The following DOCK3 variants were observed in gnomAD, a reference collection of about 807,000 sequenced individuals.
The protein encoded by DOCK3 is dedicator of cytokinesis protein 3.
DOCK3 carries 60 observed loss-of-function variants against 265.6 expected under a neutral mutation model. The ratio of observed to expected loss-of-function variants is 0.23; its 90% CI spans 0.18 to 0.28. The LOEUF (loss-of-function observed/expected upper bound fraction) is 0.28. Among genes scored for constraint, DOCK3 ranks in the 10% least tolerant of loss-of-function variants. The pLI, the probability that DOCK3 is intolerant of heterozygous loss-of-function variation, is 1.00. For missense variants in DOCK3, 1,981 were observed against 2,594.3 expected (o/e 0.76, Z 5.14); for synonymous variants, 881 against 938.0 (o/e 0.94, Z 1.11).
chr3:50,809,724 A>C (rs2106735152), intron 2 of DOCK3, among the ~76,000 whole-genome samples: 1 of 152,360 alleles, frequency 6.6e-6, no homozygotes, highest in South Asian at 2.1e-4. Context: ...AAAATGAGTT[A>C]GTTATTGCTA....
At chr3:50,876,512 A>G (rs1426116552) in intron 3 of DOCK3, among the ~76,000 whole-genome samples, 1 of 152,182 alleles carries the variant, frequency 6.6e-6, no homozygotes, top group Admixed American at 6.5e-5. Flanking sequence ...ATTTGAATGA[A>G]TATCCTAATG....
intron 3 of DOCK3, among the ~76,000 whole-genome samples, chr3:50,841,992 A>G (rs1325192050): frequency 1.3e-5 from 2 of 152,136 alleles, no homozygotes; most frequent in East Asian, 3.9e-4. Flanking sequence ...ATTTGACAAA[A>G]AGTACATTGA....
chr3:51,039,721 A>G (rs746632551), intron 5 of DOCK3, among the ~76,000 whole-genome samples: 1 of 151,726 alleles, frequency 6.6e-6, no homozygotes, highest in South Asian at 2.1e-4. Context: ...TCTCATTGTC[A>G]GTTTTGGCTG....
intron 13 of DOCK3, among the ~76,000 whole-genome samples, chr3:51,212,519 G>A (rs79296237): frequency 2.8e-4 from 41 of 147,154 alleles, no homozygotes; most frequent in African/African-American, 1.0e-3. Flanking sequence ...GCTTCATGTT[G>A]GGCTGTCTCC....
intron 2 of DOCK3, among the ~76,000 whole-genome samples, chr3:50,840,431 T>G (rs1209676216): frequency 6.6e-6 from 1 of 152,254 alleles, no homozygotes; most frequent in Non-Finnish European, 1.5e-5. Flanking sequence ...TTTCTTTGCA[T>G]ATGGATGTCC....
At chr3:51,098,835 G>A (rs1006712176) in intron 9 of DOCK3, among the ~76,000 whole-genome samples, 8 of 152,184 alleles carry the variant, frequency 5.3e-5, no homozygotes, top group Admixed American at 3.9e-4. Flanking sequence ...TCTGGTAACT[G>A]TTAACATCAC....
At chr3:51,107,331 TCTC>T (rs1210865683) in intron 9 of DOCK3, among the ~76,000 whole-genome samples, 1 of 152,078 alleles carries the variant, frequency 6.6e-6, no homozygotes, top group African/African-American at 2.4e-5. Context: ...TTGCAACAGT[TCTC>T]CAACAAGGGT....
chr3:51,120,823 G>A (rs1030996037), intron 9 of DOCK3, among the ~76,000 whole-genome samples: 1 of 152,146 alleles, frequency 6.6e-6, no homozygotes, highest in African/African-American at 2.4e-5. Context: ...CTGCCACCAA[G>A]CTCGAGCATC....
chr3:51,089,113 A>T, intron 7 of DOCK3, 130 bp from the exon 8 acceptor site: 1 of 973,534 alleles, frequency 1.0e-6, no homozygotes, highest in South Asian at 1.7e-5. Context: ...CACTTATTTT[A>T]CAAAGTTATC....
At chr3:51,316,588 A>G (rs1197621529) in intron 32 of DOCK3, among the ~76,000 whole-genome samples, 1 of 152,248 alleles carries the variant, frequency 6.6e-6, no homozygotes, top group Non-Finnish European at 1.5e-5. Flanking sequence ...CAGCAGCAGT[A>G]TATAATCGAT....
intron 9 of DOCK3, among the ~76,000 whole-genome samples, chr3:51,111,007 A>G (rs1196079810): frequency 1.3e-5 from 2 of 152,246 alleles, no homozygotes; most frequent in Non-Finnish European, 2.9e-5. Context: ...TCAGTGTACA[A>G]AAATCACTAG....
chr3:51,251,339 G>T (rs2079222418), intron 22 of DOCK3, among the ~76,000 whole-genome samples: 1 of 152,182 alleles, frequency 6.6e-6, no homozygotes, highest in African/African-American at 2.4e-5. Flanking sequence ...ACATGTGCAT[G>T]TGTCTTTATA....
At chr3:50,930,341 G>C (rs965568905) in intron 4 of DOCK3, among the ~76,000 whole-genome samples, 1 of 152,220 alleles carries the variant, frequency 6.6e-6, no homozygotes, top group Admixed American at 6.5e-5. Flanking sequence ...CAGAGGTCCA[G>C]ATCCACAGCC....
At chr3:50,999,981 C>A (rs1057057144) in intron 5 of DOCK3, among the ~76,000 whole-genome samples, 5 of 152,162 alleles carry the variant, frequency 3.3e-5, no homozygotes, top group Admixed American at 2.0e-4. Context: ...CATGTGCTGG[C>A]CACTGCTTCA....
chr3:51,053,377 A>G (rs905787449), intron 5 of DOCK3, among the ~76,000 whole-genome samples: 3 of 151,062 alleles, frequency 2.0e-5, no homozygotes, highest in Non-Finnish European at 4.4e-5. Context: ...GTCCCTACAT[A>G]CATACTTTTC....
chr3:50,834,101 C>T (rs1296782589), intron 2 of DOCK3, among the ~76,000 whole-genome samples: 3 of 151,844 alleles, frequency 2.0e-5, no homozygotes, highest in Non-Finnish European at 4.4e-5. Context: ...TATTCATGAA[C>T]ATTTCAGCTC....
intron 4 of DOCK3, among the ~76,000 whole-genome samples, chr3:50,927,714 A>C (rs1422595336): frequency 1.1e-4 from 17 of 152,258 alleles, no homozygotes; most frequent in Admixed American, 9.8e-4. Flanking sequence ...GGTTGAAAGG[A>C]GCTTAGGTCA....
intron 3 of DOCK3, chr3:50,877,415 A>G (rs554227545): frequency 1.9e-5 from 10 of 519,656 alleles, no homozygotes; most frequent in Non-Finnish European, 3.1e-5. Context: ...CTTCTTTCCA[A>G]TGGCCCAGAA....
At chr3:50,733,411 G>C (rs557374008) in intron 1 of DOCK3, among the ~76,000 whole-genome samples, 31 of 152,240 alleles carry the variant, frequency 2.0e-4, no homozygotes, top group African/African-American at 6.5e-4. Flanking sequence ...TGCTCTGTTA[G>C]ATGCATATGT....
Sources: allele counts gnomAD v4.1 joint callset (sites outside exome capture counted in the v4.1 genomes callset), GRCh38; gene constraint gnomAD v4.1.1; transcripts MANE v1.5; gene names NCBI Gene and HGNC (gene_info 2026-07-23, HGNC 2026-07-21).